The following MTFR1L variants were observed in gnomAD, a reference collection of about 807,000 sequenced individuals.
The protein encoded by MTFR1L is mitochondrial fission regulator 1-like.
In MTFR1L, 10 loss-of-function variants were observed where a neutral mutation model predicts 27.9. The observed-to-expected ratio is 0.36, with a 90% CI of 0.22 to 0.61. The LOEUF (loss-of-function observed/expected upper bound fraction) is 0.61. Ranked by LOEUF, MTFR1L falls within the 20% of genes least tolerant of loss-of-function variation. The pLI is 0.73. For synonymous variants in MTFR1L, 151 were observed against 139.4 expected (o/e 1.08, Z -0.58); for missense variants, 315 against 363.7 (o/e 0.87, Z 1.09).
Position 25,832,245 on chromosome 1 carries a change from T to C in MTFR1L, c.*219T>C. 1 of 1,346,678 alleles carries C rather than the reference T, an allele frequency of 7.4e-7. No individual in the cohort carries two copies. Among genetic ancestry groups the C allele is most frequent in the Non-Finnish European group, 1.0e-6 (1 of 978,046 alleles). 83.4% of individuals were successfully genotyped at this position (1,346,678 alleles called of 1,614,324 possible). ...TTGTGATTTGACCTGAGACATTTGT[T>C]TCAGGTAATCGTGTAGAATGAAGTA... On this transcript the variant is annotated 3_prime_UTR_variant, in exon 7 of 7. Coordinates refer to ENST00000374303, the MANE Select transcript of MTFR1L (RefSeq NM_001099625.2).
chr1:25,824,164 C>T (rs1239223540), intron 3 of MTFR1L, among the ~76,000 whole-genome samples: 2 of 152,230 alleles, frequency 1.3e-5, no homozygotes, highest in Non-Finnish European at 2.9e-5. Context: ...GCACAAGCCA[C>T]CATGCCCAGC....
rs1350131925 is a variant in MTFR1L at position 25,826,764 on chromosome 1, A to T, written c.389A>T (p.Glu130Val). 6.2e-7 allele frequency: 1 copy of T among 1,614,100 alleles called. No individual in the cohort carries two copies. Among genetic ancestry groups the T allele is most frequent in the South Asian group, 1.1e-5 (1 of 91,080 alleles). Residue 130 changes from glutamate (E) to valine (V), a missense_variant, in exon 5 of 7, where the codon GAG becomes GTG. Transcript: ENST00000374303. This position sits in a 1 kb window ranked among gnomAD's most constrained non-coding sequence, Gnocchi z 4.1. ...PALPALSRTT[E>V]LQDELSHLRS... is the part of the protein sequence containing the mutation. Reference sequence around the variant, plus strand: ...CTGCCAGCCCTAAGCCGCACTACTGAGCTGCAGGACGAGCTGAGCCACTTG... The same window carrying T: ...CTGCCAGCCCTAAGCCGCACTACTGTGCTGCAGGACGAGCTGAGCCACTTG...
chr1:25,829,989 A>G (rs1216934685), intron 6 of MTFR1L, among the ~76,000 whole-genome samples, 159 bp downstream of exon 6: 1 of 152,186 alleles, frequency 6.6e-6, no homozygotes, highest in Non-Finnish European at 1.5e-5. Flanking sequence ...CTGGGGCCCC[A>G]GTTTGAGGAA....
intron 1 of MTFR1L, chr1:25,822,153 T>G (rs1053021326): frequency 1.3e-5 from 2 of 152,254 alleles, no homozygotes; most frequent in African/African-American, 4.8e-5. Context: ...CAGCTTTTCC[T>G]GTCTCCTTTT....
At position 25,826,573 on chromosome 1, in the gene MTFR1L, C is replaced by T; in HGVS notation, c.240-42C>T. On this transcript the variant is annotated intron_variant, in intron 4 of 6. Coordinates refer to ENST00000374303, the MANE Select transcript of MTFR1L (RefSeq NM_001099625.2). This position sits in a 1 kb window ranked among gnomAD's most constrained non-coding sequence, Gnocchi z 4.1. ...GGAAGGAACCTTAGGAGCACAGTGG[C>T]CTGCTGTCTCTAACTGATCTACTTG... 6.2e-7 allele frequency: 1 copy of T among 1,610,252 alleles called. No individual in the cohort carries two copies. Among genetic ancestry groups the T allele is most frequent in the Non-Finnish European group, 8.5e-7 (1 of 1,176,664 alleles).
At position 25,831,908 on chromosome 1, in the gene MTFR1L, A is replaced by C; in HGVS notation, c.774-13A>C. ...GGAAAGAGTAAGTACTCAAGCTATT[A>C]TTGTGTCTCTAGGAACCGGAGTTTA... is the stretch of plus-strand genomic sequence containing the variant. On this transcript the variant is annotated splice_polypyrimidine_tract_variant and intron_variant, in intron 6 of 6. Coordinates refer to ENST00000374303, the MANE Select transcript of MTFR1L (RefSeq NM_001099625.2). 6.2e-7 allele frequency: 1 copy of C among 1,604,998 alleles called. No individual in the cohort carries two copies. Among genetic ancestry groups the C allele is most frequent in the Non-Finnish European group, 8.5e-7 (1 of 1,171,716 alleles).
chr1:25,822,262 T>G (rs1477448473), intron 1 of MTFR1L: 1 of 152,292 alleles, frequency 6.6e-6, no homozygotes, highest in Non-Finnish European at 1.5e-5. Flanking sequence ...TTGGCTCTTT[T>G]TCTCTGTAGC....
chr1:25,829,054 GGTCT>G (rs2048203615), intron 5 of MTFR1L, among the ~76,000 whole-genome samples: 1 of 152,152 alleles, frequency 6.6e-6, no homozygotes, highest in African/African-American at 2.4e-5. Context: ...GAGGTTGGGA[GGTCT>G]GTTACCATTC....
chr1:25,826,885 G>T lies in MTFR1L; in HGVS notation c.451+59G>T. 6.4e-7 allele frequency: 1 copy of T among 1,559,914 alleles called. No homozygotes were observed. The highest frequency in any genetic ancestry group is 2.3e-5 in the East Asian group (1 of 43,188). On this transcript the variant is annotated intron_variant, in intron 5 of 6. Transcript: ENST00000374303. The surrounding 1 kb of genome is among the most constrained non-coding windows in gnomAD (Gnocchi z 4.1). ...AGGCTGTTCCTTTCCCCTGGCTCTT[G>T]GGCAGGATAGGGGTAAAGAAAGTGG...
chr1:25,827,689 G>A (rs548287430), intron 5 of MTFR1L, among the ~76,000 whole-genome samples: 119 of 151,664 alleles, frequency 7.8e-4, no homozygotes, highest in African/African-American at 2.7e-3. Flanking sequence ...AATCCACCCA[G>A]CTCGGCCTTC....
At position 25,823,096 on chromosome 1, in the gene MTFR1L, C is replaced by A; in HGVS notation, c.-9C>A. 2 of 1,614,162 alleles carry A rather than the reference C, an allele frequency of 1.2e-6. No homozygotes were observed. Among genetic ancestry groups the A allele is most frequent in the Non-Finnish European group, 1.7e-6 (2 of 1,180,024 alleles). On this transcript the variant is annotated 5_prime_UTR_variant, in exon 2 of 7. It adds an upstream start codon to the 5' untranslated region. Coordinates refer to ENST00000374303, the MANE Select transcript of MTFR1L (RefSeq NM_001099625.2). ...CTGCCTTGTCCTTCAAGTGCAGGAG[C>A]TGGTTCAAATGTCAGGAATGGAAGC...
intron 1 of MTFR1L, 104 bp downstream of exon 1, chr1:25,820,133 T>C: frequency 2.2e-6 from 1 of 450,288 alleles, no homozygotes; most frequent in Non-Finnish European, 4.4e-6. Flanking sequence ...GCAGCTCCTG[T>C]TCCCGCGCGA....
chr1:25,829,513 G>A lies in MTFR1L; in HGVS notation c.456G>A (p.Ser152=), dbSNP rs539142207. The change falls in exon 6 of 7, where the codon TCG becomes TCA. Residue 152 remains serine (S), a synonymous_variant. Transcript: ENST00000374303. Reference sequence around the variant, plus strand: ...GCCTATTGTTTTCTCTTTCAGCTTCGGCTTCATTAACGCCAGATTTCTTAT... The same window carrying A: ...GCCTATTGTTTTCTCTTTCAGCTTCAGCTTCATTAACGCCAGATTTCTTAT... ...IAKIVAADAA[S]ASLTPDFLSP... 1.9e-6 allele frequency: 3 copies of A among 1,612,414 alleles called. No individual in the cohort carries two copies. Among genetic ancestry groups the A allele is most frequent in the Non-Finnish European group, 2.5e-6 (3 of 1,178,974 alleles).
intron 6 of MTFR1L, among the ~76,000 whole-genome samples, chr1:25,831,067 C>G (rs1034717579): frequency 6.6e-6 from 1 of 152,154 alleles, no homozygotes; most frequent in East Asian, 1.9e-4. Flanking sequence ...TTGCTAGCCC[C>G]CTCCTCCCAC....
chr1:25,824,035 A>T (rs1011582604), intron 3 of MTFR1L, among the ~76,000 whole-genome samples: 1 of 152,098 alleles, frequency 6.6e-6, no homozygotes, highest in African/African-American at 2.4e-5. Flanking sequence ...CCATGTAGCC[A>T]GTATTTTTAT....
chr1:25,823,709 C>G lies in MTFR1L; in HGVS notation c.90C>G (p.Thr30=). The G allele has an allele frequency of 2.5e-6, 4 of 1,614,092 alleles. No homozygotes were observed. Among genetic ancestry groups the G allele is most frequent in the Middle Eastern group, 1.7e-4 (1 of 6,052 alleles). The change falls in exon 3 of 7, where the codon ACC becomes ACG. Residue 30 remains threonine, a synonymous_variant. Coordinates refer to ENST00000374303, the MANE Select transcript of MTFR1L (RefSeq NM_001099625.2). ...AARSVVRRIG[T]NLPLKPCARA... The stretch of plus-strand genomic sequence containing the variant: ...GAAGTGTAGTAAGAAGAATTGGGAC[C>G]AACCTACCCTTGAAGCCGTGTGCCC...
chr1:25,828,127 C>A (rs1483135542), intron 5 of MTFR1L, among the ~76,000 whole-genome samples: 2 of 152,226 alleles, frequency 1.3e-5, no homozygotes, highest in African/African-American at 4.8e-5. Flanking sequence ...CCAGGAATCA[C>A]AAGTGGCTTT....
intron 5 of MTFR1L, among the ~76,000 whole-genome samples, chr1:25,827,171 C>G (rs2048179763): frequency 1.3e-5 from 2 of 151,906 alleles, no homozygotes; most frequent in Admixed American, 6.6e-5. Flanking sequence ...GAGTCTTGCT[C>G]TGTCGCCCAG....
chr1:25,823,543 G>A (rs1379404131), intron 2 of MTFR1L, 101 bp from the exon 3 acceptor site: 9 of 1,533,224 alleles, frequency 5.9e-6, no homozygotes, highest in African/African-American at 2.8e-5. Context: ...CTGTCCCTAG[G>A]TTTGTGGAAT....
Sources: allele counts gnomAD v4.1 joint callset (sites outside exome capture counted in the v4.1 genomes callset), GRCh38; gene constraint gnomAD v4.1.1; non-coding constraint Gnocchi (gnomAD v3.1); transcripts MANE v1.5; gene names NCBI Gene and HGNC (gene_info 2026-07-23, HGNC 2026-07-21).